The following TENM2 variants were observed in gnomAD, a reference collection of about 807,000 sequenced individuals.
TENM2 encodes the protein teneurin transmembrane protein 2.
Under a neutral mutation model 245.2 loss-of-function variants are expected in TENM2, and 52 were observed. That is an observed-to-expected ratio of 0.21 (90% CI 0.17 to 0.27). The LOEUF is 0.27. TENM2 is among the 10% of genes least tolerant of loss of function. The pLI is 1.00. For synonymous variants in TENM2, 1,363 were observed against 1,438.9 expected (o/e 0.95, Z 1.19); for missense variants, 3,046 against 3,666.8 (o/e 0.83, Z 4.37).
intron 2 of TENM2, among the ~76,000 whole-genome samples, chr5:167,792,371 A>C (rs1284280549): frequency 6.6e-6 from 1 of 152,018 alleles, no homozygotes; most frequent in Non-Finnish European, 1.5e-5. Context: ...GAAGGCAGAG[A>C]CTGGTGGCAC....
chr5:167,471,028 C>T (rs1027436843), intron 2 of TENM2, among the ~76,000 whole-genome samples: 1 of 152,138 alleles, frequency 6.6e-6, no homozygotes, highest in African/African-American at 2.4e-5. Flanking sequence ...TTAGTTTTCT[C>T]ATCTGTCAAA....
intron 2 of TENM2, among the ~76,000 whole-genome samples, chr5:167,450,649 A>C (rs1561966053): frequency 6.6e-6 from 1 of 152,120 alleles, no homozygotes; most frequent in Non-Finnish European, 1.5e-5. Context: ...TAATGAATGG[A>C]GGGAGGATTA....
intron 5 of TENM2, among the ~76,000 whole-genome samples, chr5:168,036,213 G>C (rs568558845): frequency 6.6e-6 from 1 of 152,276 alleles, no homozygotes; most frequent in East Asian, 1.9e-4. Context: ...TCACTCTGCT[G>C]TCATTGCAAT....
At chr5:167,421,078 T>TA (rs1189888318) in intron 2 of TENM2, among the ~76,000 whole-genome samples, 1 of 152,186 alleles carries the variant, frequency 6.6e-6, no homozygotes, top group African/African-American at 2.4e-5. Context: ...CTTATAAAAT[T>TA]GTAAAGGTGT....
intron 2 of TENM2, among the ~76,000 whole-genome samples, chr5:167,827,491 C>A (rs1337085967): frequency 6.6e-6 from 1 of 151,682 alleles, no homozygotes; most frequent in Non-Finnish European, 1.5e-5. Context: ...TACTAAATTA[C>A]CATAGGAATT....
chr5:168,154,147 TAAAAA>T (rs70976465), intron 12 of TENM2, among the ~76,000 whole-genome samples: 2 of 85,100 alleles, frequency 2.4e-5, no homozygotes, highest in East Asian at 3.8e-4. Flanking sequence ...TCACCTACTT[TAAAAA>T]AAAAAAAAAA....
At chr5:167,442,826 TCTCA>T (rs1764947876) in intron 2 of TENM2, among the ~76,000 whole-genome samples, 1 of 152,152 alleles carries the variant, frequency 6.6e-6, no homozygotes, top group Admixed American at 6.6e-5. Context: ...CAGTGAGAGC[TCTCA>T]CTCCTAACAT....
intron 2 of TENM2, among the ~76,000 whole-genome samples, chr5:167,448,905 A>G (rs893325267): frequency 6.6e-6 from 1 of 152,134 alleles, no homozygotes; most frequent in African/African-American, 2.4e-5. Flanking sequence ...GGCAATGCAA[A>G]AATATAAAGG....
At chr5:167,361,173 A>G (rs1038711837) in intron 1 of TENM2, among the ~76,000 whole-genome samples, 2 of 152,204 alleles carry the variant, frequency 1.3e-5, no homozygotes, top group Non-Finnish European at 2.9e-5. Context: ...AGACTTATCC[A>G]AGGTTTTTAT....
intron 2 of TENM2, among the ~76,000 whole-genome samples, chr5:167,573,744 C>A (rs1774444401): frequency 6.6e-6 from 1 of 152,054 alleles, no homozygotes; most frequent in Non-Finnish European, 1.5e-5. Context: ...TTTGATCGAG[C>A]GTTCCTTTTC....
At chr5:167,489,024 G>A (rs950346320) in intron 2 of TENM2, among the ~76,000 whole-genome samples, 4 of 152,032 alleles carry the variant, frequency 2.6e-5, no homozygotes, top group South Asian at 2.1e-4. Context: ...CCTAACTACC[G>A]CTGCCACGTC....
intron 3 of TENM2, among the ~76,000 whole-genome samples, chr5:167,881,356 T>C (rs375310520): frequency 2.0e-5 from 3 of 152,362 alleles, no homozygotes; most frequent in East Asian, 3.9e-4. Context: ...TTCTGCATTG[T>C]AACTTCTTAT....
intron 2 of TENM2, among the ~76,000 whole-genome samples, chr5:167,870,959 C>T (rs1029462011): frequency 1.3e-5 from 2 of 152,048 alleles, no homozygotes; most frequent in Non-Finnish European, 2.9e-5. Flanking sequence ...TGATCTGCAA[C>T]ATGCCCTCTG....
the TENM2 span, among the ~76,000 whole-genome samples, chr5:167,175,757 G>A: frequency 1.3e-5 from 2 of 152,272 alleles, no homozygotes; most frequent in South Asian, 4.2e-4. Context: ...GCCCAGGCTG[G>A]AATGCAGCTG....
intron 6 of TENM2, among the ~76,000 whole-genome samples, chr5:168,057,920 T>C (rs1789692097): frequency 7.7e-6 from 1 of 129,198 alleles, no homozygotes. Flanking sequence ...AATATGGCTT[T>C]ACTCTCTCTC....
At chr5:167,376,662 A>G (rs1274015613) in intron 2 of TENM2, among the ~76,000 whole-genome samples, 7 of 152,168 alleles carry the variant, frequency 4.6e-5, no homozygotes, top group Non-Finnish European at 2.9e-5. Context: ...GATGTGTCTT[A>G]CTTATGCCTC....
chr5:167,775,248 A>AT (rs1763687655), intron 2 of TENM2, among the ~76,000 whole-genome samples: 1 of 152,202 alleles, frequency 6.6e-6, no homozygotes, highest in Non-Finnish European at 1.5e-5. Context: ...GATTACAGGC[A>AT]TGAGCCACTG....
At chr5:167,464,409 A>G (rs1325014443) in intron 2 of TENM2, among the ~76,000 whole-genome samples, 2 of 152,208 alleles carry the variant, frequency 1.3e-5, no homozygotes, top group African/African-American at 4.8e-5. Flanking sequence ...CTTTGTACAG[A>G]TGAGTAATAA....
chr5:167,350,598 G>A (rs1758781546), intron 1 of TENM2, among the ~76,000 whole-genome samples: 1 of 137,654 alleles, frequency 7.3e-6, no homozygotes, highest in Non-Finnish European at 1.6e-5. Context: ...ATATATATAT[G>A]GATATATATA....
Sources: allele counts gnomAD v4.1 joint callset (sites outside exome capture counted in the v4.1 genomes callset), GRCh38; gene constraint gnomAD v4.1.1; transcripts MANE v1.5; gene names NCBI Gene and HGNC (gene_info 2026-07-23, HGNC 2026-07-21).